The following PDE6A variants were observed in gnomAD, a reference collection of about 807,000 sequenced individuals.
PDE6A encodes rod cGMP-specific 3',5'-cyclic phosphodiesterase subunit alpha.
A neutral mutation model predicts 106.3 loss-of-function variants in PDE6A; 84 were observed. The observed-to-expected ratio is 0.79, with a 90% CI of 0.66 to 0.95. The LOEUF (loss-of-function observed/expected upper bound fraction) is 0.95, where lower values mean the gene tolerates loss of function less well. Ranked by LOEUF, PDE6A falls within the 40% of genes least tolerant of loss-of-function variation. The pLI, the probability that PDE6A is intolerant of heterozygous loss-of-function variation, is 0.00. For synonymous variants in PDE6A, 394 were observed against 386.6 expected (o/e 1.02, Z -0.23); for missense variants, 1,052 against 1,084.9 (o/e 0.97, Z 0.43).
chr5:149,910,501 TATC>T (rs1239421785), intron 6 of PDE6A, among the ~76,000 whole-genome samples: 3 of 151,668 alleles, frequency 2.0e-5, no homozygotes, highest in African/African-American at 2.4e-5. Context: ...ACAGATTTTT[TATC>T]ATATCTCACA....
intron 3 of PDE6A, chr5:149,932,535 G>T: frequency 1.4e-6 from 2 of 1,396,334 alleles, no homozygotes; most frequent in Non-Finnish European, 2.0e-6. Context: ...GCTAGCATTT[G>T]GAACTCCTTT....
At chr5:149,886,487 C>T in intron 13 of PDE6A, 113 bp from the exon 14 acceptor site, 2 of 776,130 alleles carry the variant, frequency 2.6e-6, no homozygotes, top group Non-Finnish European at 2.2e-6. Flanking sequence ...TGGGTCTGAT[C>T]TTGGCTGTAT....
At chr5:149,933,831 C>T (rs1292646905) in intron 3 of PDE6A, 99 bp downstream of exon 3, 28 of 833,546 alleles carry the variant, frequency 3.4e-5, no homozygotes, top group East Asian at 2.6e-5. Context: ...AGACTGGCTT[C>T]CTAGGCACCT....
Position 149,859,588 on chromosome 5 carries a change from T to C in PDE6A, c.*1307A>G, listed in dbSNP as rs1339039567. 6 of 152,384 alleles carry C rather than the reference T, an allele frequency of 3.9e-5. No homozygotes were observed. In the Middle Eastern group the frequency reaches 0.01, roughly 257 times the overall value. 9.4% of individuals were successfully genotyped at this position (152,384 alleles called of 1,614,324 possible). Reference sequence around the variant, plus strand: ...GAGCTGGAACAGCCCTGCACAGTTATCCCATGCTCAGCCAAGATGGCCAGG... The same window carrying C: ...GAGCTGGAACAGCCCTGCACAGTTACCCCATGCTCAGCCAAGATGGCCAGG... On this transcript the variant is annotated 3_prime_UTR_variant, in exon 22 of 22. Coordinates refer to ENST00000255266, the MANE Select transcript of PDE6A (RefSeq NM_000440.3).
At chr5:149,932,294 T>A (rs1754057561) in intron 3 of PDE6A, 1 of 1,442,770 alleles carries the variant, frequency 6.9e-7, no homozygotes, top group Non-Finnish European at 9.8e-7. Flanking sequence ...GCTCTCTTTT[T>A]AGTCGGCCAA....
Position 149,944,387 on chromosome 5 carries a change from AG to A in PDE6A, c.286del (p.Leu96CysfsTer31), listed in dbSNP as rs1270005492. The A allele has an allele frequency of 1.2e-6, 2 of 1,614,162 alleles. No individual in the cohort carries two copies. Among genetic ancestry groups the A allele is most frequent in the Non-Finnish European group, 1.7e-6 (2 of 1,180,020 alleles). Reference sequence around the variant, plus strand: ...GCCATTGCGGGTCCGGTACATGAACAGGCTCATGCGGTCTGCCTGCAGGAGG... The same window carrying A: ...GCCATTGCGGGTCCGGTACATGAACAGCTCATGCGGTCTGCCTGCAGGAGG... Reference protein sequence around the residue: ...CFLLQADRMSLFMYRTRNGIA... With the variant: ...CFLLQADRMSXFMYRTRNGIA... On this transcript the variant is annotated frameshift_variant, in exon 1 of 22. Transcript: ENST00000255266. LOFTEE classifies it high-confidence loss of function.
At chr5:149,904,466 G>A (rs777560445) in intron 7 of PDE6A, among the ~76,000 whole-genome samples, 1 of 152,112 alleles carries the variant, frequency 6.6e-6, no homozygotes. Flanking sequence ...GGGCCACCGT[G>A]TACAGTTGTG....
intron 17 of PDE6A, among the ~76,000 whole-genome samples, chr5:149,868,749 A>G (rs1760427013): frequency 6.6e-6 from 1 of 152,200 alleles, no homozygotes; most frequent in Admixed American, 6.5e-5. Context: ...TATGCTGTCC[A>G]TCTGTTTGGA....
rs200614297 is a variant in PDE6A at position 149,862,481 on chromosome 5, G to A, written c.2506+638C>T. Among the ~76,000 whole-genome samples the A allele has an allele frequency of 1.4e-3, 218 of 152,344 alleles. 1 individual carries two copies. The highest frequency in any genetic ancestry group is 4.9e-3 in the African/African-American group (203 of 41,580). ...AGGGCCTCAAATTCCTTCCAAGTCCGGACGCGGTGGCTTATGCCTGTAATC... is the reference window on the plus strand; with the variant it reads ...AGGGCCTCAAATTCCTTCCAAGTCCAGACGCGGTGGCTTATGCCTGTAATC... On this transcript the variant is annotated intron_variant, in intron 21 of 21. Coordinates refer to ENST00000255266, the MANE Select transcript of PDE6A (RefSeq NM_000440.3).
chr5:149,882,385 C>A (rs1014341647), intron 17 of PDE6A, among the ~76,000 whole-genome samples: 1 of 152,002 alleles, frequency 6.6e-6, no homozygotes, highest in Admixed American at 6.6e-5. Context: ...CCAATGCTTC[C>A]TAGGCAACTA....
intron 17 of PDE6A, among the ~76,000 whole-genome samples, chr5:149,870,291 G>C (rs1760484525): frequency 6.6e-6 from 1 of 152,178 alleles, no homozygotes; most frequent in South Asian, 2.1e-4. Context: ...AATTCAAATA[G>C]CTCTTTAAGT....
chr5:149,884,236 G>C (rs929982335), intron 16 of PDE6A, among the ~76,000 whole-genome samples: 8 of 146,604 alleles, frequency 5.5e-5, no homozygotes, highest in African/African-American at 2.0e-4. Flanking sequence ...ATATATATGT[G>C]TAGATATATG....
At chr5:149,898,608 T>A in intron 9 of PDE6A, 102 bp from the exon 10 acceptor site, 2 of 1,265,784 alleles carry the variant, frequency 1.6e-6, no homozygotes, top group Non-Finnish European at 2.2e-6. Context: ...TTCTCAGCTA[T>A]AAAATGGGTT....
At chr5:149,884,920 C>T (rs1581167057) in intron 14 of PDE6A, 53 bp from the exon 15 acceptor site, 29 of 1,378,680 alleles carry the variant, frequency 2.1e-5, no homozygotes, top group Non-Finnish European at 2.7e-5. Flanking sequence ...AAAATTAGGA[C>T]TAAACATCAA....
intron 6 of PDE6A, among the ~76,000 whole-genome samples, chr5:149,909,396 G>A (rs979276370): frequency 6.6e-6 from 1 of 152,234 alleles, no homozygotes; most frequent in Non-Finnish European, 1.5e-5. Flanking sequence ...TTCCTTGCCT[G>A]AAGGTCAATG....
At chr5:149,882,225 G>C (rs1013715383) in intron 17 of PDE6A, among the ~76,000 whole-genome samples, 2 of 152,008 alleles carry the variant, frequency 1.3e-5, no homozygotes, top group Admixed American at 6.5e-5. Context: ...TTGGACAACT[G>C]CAGGGCTGAA....
chr5:149,868,301 C>A, intron 17 of PDE6A, 143 bp from the exon 18 acceptor site: 1 of 789,398 alleles, frequency 1.3e-6, no homozygotes, highest in Non-Finnish European at 2.1e-6. Context: ...CCCATTGCAT[C>A]CAGGGGTTGG....
intron 6 of PDE6A, among the ~76,000 whole-genome samples, chr5:149,907,645 T>A (rs1166577961): frequency 6.6e-6 from 1 of 152,204 alleles, no homozygotes; most frequent in African/African-American, 2.4e-5. Context: ...CTACAGATTG[T>A]TACCTGCTGC....
intron 1 of PDE6A, among the ~76,000 whole-genome samples, chr5:149,940,553 A>G (rs922855854): frequency 1.4e-5 from 2 of 144,098 alleles, no homozygotes; most frequent in African/African-American, 5.3e-5. Context: ...TCTGGAGTGC[A>G]ATGGTGCGGT....
Sources: allele counts gnomAD v4.1 joint callset (sites outside exome capture counted in the v4.1 genomes callset), GRCh38; gene constraint gnomAD v4.1.1; transcripts MANE v1.5; gene names NCBI Gene and HGNC (gene_info 2026-07-23, HGNC 2026-07-21).